Variants in SPINK9 observed in about 807,000 individuals in gnomAD.
SPINK9 encodes the protein serine peptidase inhibitor Kazal type 9.
SPINK9 carries 3 observed loss-of-function variants against 10.8 expected under a neutral mutation model. The observed-to-expected ratio is 0.28, with a 90% CI of 0.13 to 0.72. The LOEUF (loss-of-function observed/expected upper bound fraction) is 0.72. Ranked by LOEUF, SPINK9 falls within the 30% of genes least tolerant of loss-of-function variation. The probability of loss-of-function intolerance (pLI) is 0.74; values close to 1 mark genes in which losing one functional copy is unlikely to be tolerated. For synonymous variants in SPINK9, 30 were observed against 31.2 expected (o/e 0.96, Z 0.12); for missense variants, 101 against 103.2 (o/e 0.98, Z 0.09).
At chr5:148,326,167 G>C (rs1757057453) in intron 2 of SPINK9, among the ~76,000 whole-genome samples, 1 of 152,152 alleles carries the variant, frequency 6.6e-6, no homozygotes, top group Non-Finnish European at 1.5e-5. Context: ...CTAATTACTA[G>C]AGAAATGTGA....
At chr5:148,329,275 T>A (rs752991293) in intron 2 of SPINK9, among the ~76,000 whole-genome samples, 3 of 152,224 alleles carry the variant, frequency 2.0e-5, no homozygotes, top group Non-Finnish European at 2.9e-5. Flanking sequence ...TCTTCTAGAT[T>A]TTCTAGTTTA....
chr5:148,337,322 C>G (rs1193184563), intron 2 of SPINK9, among the ~76,000 whole-genome samples: 1 of 152,148 alleles, frequency 6.6e-6, no homozygotes, highest in Non-Finnish European at 1.5e-5. Context: ...CTCTAAGGTC[C>G]TCCTGCCATT....
At chr5:148,339,532 G>T in intron 3 of SPINK9, 135 bp from the exon 4 acceptor site, 1 of 656,388 alleles carries the variant, frequency 1.5e-6, no homozygotes, top group Non-Finnish European at 2.6e-6. Context: ...TTTCTAAATT[G>T]CAGTCACTCC....
At position 148,339,653 on chromosome 5, in the gene SPINK9, T is replaced by C; in HGVS notation, c.216-14T>C. The C allele has an allele frequency of 2.5e-6, 4 of 1,611,748 alleles. No individual in the cohort carries two copies. Among genetic ancestry groups the C allele is most frequent in the Non-Finnish European group, 3.4e-6 (4 of 1,178,502 alleles). On this transcript the variant is annotated splice_polypyrimidine_tract_variant and intron_variant, in intron 3 of 3. Transcript: ENST00000377906. ...GCTCAGCATTTCTCATTTGTTGCTA[T>C]ATTCTCTCCACAGGAAAACTGACGG...
upstream of SPINK9, among the ~76,000 whole-genome samples, chr5:148,331,203 G>A (rs940570119): frequency 6.6e-6 from 1 of 152,254 alleles, no homozygotes; most frequent in Non-Finnish European, 1.5e-5. Flanking sequence ...GTAGACTGGA[G>A]CTGTTCCTAT....
At chr5:148,334,796 A>G (rs968354743), upstream of SPINK9, among the ~76,000 whole-genome samples, 2 of 152,180 alleles carry the variant, frequency 1.3e-5, no homozygotes, top group Non-Finnish European at 2.9e-5. Flanking sequence ...GATAAAATAC[A>G]GTCTCTAAGA....
upstream of SPINK9, among the ~76,000 whole-genome samples, chr5:148,333,742 C>T (rs942417928): frequency 6.6e-6 from 1 of 152,176 alleles, no homozygotes; most frequent in South Asian, 2.1e-4. Flanking sequence ...CCTCAGGAGT[C>T]TAGTCCCACC....
At chr5:148,330,624 GT>G (rs1561767128), upstream of SPINK9, among the ~76,000 whole-genome samples, 2 of 152,182 alleles carry the variant, frequency 1.3e-5, no homozygotes, top group African/African-American at 4.8e-5. Context: ...AATTTGGCAT[GT>G]TTTTGCAGTG....
At position 148,336,374 on chromosome 5, in the gene SPINK9, T is replaced by C. The variant is rs368563328; in HGVS notation, c.56-48T>C. ...TCAAAGATTCTTTTTCTAGTAAGATTAGGTTCTTCCAGAGTTTAATATTGC... is the reference window on the plus strand; with the variant it reads ...TCAAAGATTCTTTTTCTAGTAAGATCAGGTTCTTCCAGAGTTTAATATTGC... On this transcript the variant is annotated intron_variant, in intron 1 of 3. Coordinates refer to ENST00000377906, the MANE Select transcript of SPINK9 (RefSeq NM_001040433.2). 4.4e-6 allele frequency: 7 copies of C among 1,590,458 alleles called. No individual in the cohort carries two copies. In the African/African-American group the frequency reaches 9.4e-5, roughly 21 times the overall value.
At chr5:148,334,392 C>T (rs1415048025), upstream of SPINK9, among the ~76,000 whole-genome samples, 1 of 152,010 alleles carries the variant, frequency 6.6e-6, no homozygotes, top group Non-Finnish European at 1.5e-5. Context: ...GTCCAGAGGA[C>T]CTTAAATAAG....
Position 148,326,371 on chromosome 5 carries a change from T to A in SPINK9, c.118+2503T>A, listed in dbSNP as rs77715608. Among the ~76,000 whole-genome samples the A allele has an allele frequency of 8.8e-3, 1,343 of 152,240 alleles. 43 individuals are homozygous for A. The highest frequency in any genetic ancestry group is 0.055 in the Admixed American group (834 of 15,276). The stretch of plus-strand genomic sequence containing the variant: ...AACTAAAAATTGAATTACCATGCTA[T>A]CCAGCAATCCCACTTCTGGGTATAC... On this transcript the variant is annotated intron_variant, in intron 2 of 4. Transcript: ENST00000511717.
chr5:148,333,661 C>T (rs1407306816), upstream of SPINK9, among the ~76,000 whole-genome samples: 1 of 152,182 alleles, frequency 6.6e-6, no homozygotes, highest in Non-Finnish European at 1.5e-5. Flanking sequence ...TGAGGCATGT[C>T]TTATGGAGAA....
chr5:148,335,818 T>C (rs966359534), intron 1 of SPINK9, 150 bp downstream of exon 1: 7 of 822,660 alleles, frequency 8.5e-6, no homozygotes, highest in Non-Finnish European at 1.2e-5. Flanking sequence ...AACGAATTGC[T>C]AAATCACATC....
chr5:148,328,686 T>G (rs1009513454), intron 2 of SPINK9, among the ~76,000 whole-genome samples: 4 of 152,210 alleles, frequency 2.6e-5, no homozygotes, highest in Admixed American at 2.0e-4. Context: ...CATCAATACC[T>G]AATTTATTGA....
intron 2 of SPINK9, among the ~76,000 whole-genome samples, chr5:148,337,751 C>T (rs1326073736): frequency 6.6e-6 from 1 of 152,048 alleles, no homozygotes; most frequent in Non-Finnish European, 1.5e-5. Flanking sequence ...GATAAAAAAA[C>T]TAAAGTTTAG....
At chr5:148,329,484 G>A (rs1740689595) in intron 2 of SPINK9, among the ~76,000 whole-genome samples, 1 of 152,026 alleles carries the variant, frequency 6.6e-6, no homozygotes, top group African/African-American at 2.4e-5. Flanking sequence ...TTTTTGAAGG[G>A]GTTTTTGTGT....
intron 2 of SPINK9, among the ~76,000 whole-genome samples, chr5:148,336,763 A>T (rs1757222599): frequency 6.6e-6 from 1 of 152,234 alleles, no homozygotes; most frequent in Non-Finnish European, 1.5e-5. Context: ...AGAGCTTAGC[A>T]CAGTGCCTGG....
chr5:148,322,590 TA>T (rs1484540556), intron 1 of SPINK9, among the ~76,000 whole-genome samples: 1 of 152,212 alleles, frequency 6.6e-6, no homozygotes, highest in Non-Finnish European at 1.5e-5. Context: ...TTTTATCCAC[TA>T]TATCTTATGA....
At chr5:148,325,235 A>G (rs1460830215) in intron 2 of SPINK9, among the ~76,000 whole-genome samples, 1 of 152,104 alleles carries the variant, frequency 6.6e-6, no homozygotes, top group Admixed American at 6.6e-5. Context: ...TGCTATGTAC[A>G]TTCATGTACA....
Sources: allele counts gnomAD v4.1 joint callset (sites outside exome capture counted in the v4.1 genomes callset), GRCh38; gene constraint gnomAD v4.1.1; transcripts MANE v1.5; gene names NCBI Gene and HGNC (gene_info 2026-07-23, HGNC 2026-07-21).